The following MACROD1 variants were observed in gnomAD, a reference collection of about 807,000 sequenced individuals.
MACROD1 encodes ADP-ribose glycohydrolase MACROD1.
A neutral mutation model predicts 41.4 loss-of-function variants in MACROD1; 31 were observed. The ratio of observed to expected loss-of-function variants is 0.75; its 90% confidence interval spans 0.56 to 1.01. The LOEUF (loss-of-function observed/expected upper bound fraction) is 1.01. Ranked by LOEUF, MACROD1 falls within the 50% of genes least tolerant of loss-of-function variation. The pLI, the probability that MACROD1 is intolerant of heterozygous loss-of-function variation, is 0.00. For synonymous variants in MACROD1, 252 were observed against 203.4 expected, an observed-to-expected ratio of 1.24 and a Z score of -2.03; for missense variants, 473 against 460.0, an observed-to-expected ratio of 1.03 and a Z score of -0.26.
chr11:64,109,997 T>C (rs1250804917), intron 3 of MACROD1, among the ~76,000 whole-genome samples: 1 of 152,044 alleles, frequency 6.6e-6, no homozygotes, highest in African/African-American at 2.4e-5. Context: ...TTAAACTGGA[T>C]GCGTCGGGGG....
chr11:64,086,281 G>A (rs1944393510), intron 3 of MACROD1, among the ~76,000 whole-genome samples: 1 of 152,042 alleles, frequency 6.6e-6, no homozygotes, highest in South Asian at 2.1e-4. Flanking sequence ...GTTGAATTGT[G>A]GTTTTAGGAG....
chr11:64,166,079 C>T lies in MACROD1; in HGVS notation c.-85G>A. On this transcript the variant is annotated 5_prime_UTR_variant, in exon 1 of 11. Coordinates refer to ENST00000255681, the MANE Select transcript of MACROD1 (RefSeq NM_014067.4). The stretch of plus-strand genomic sequence containing the variant: ...TGTCTCTCCCTTATTTACTCTGGGA[C>T]CGGGTGGCGACTGCCAGCCAGCGGC... 8.2e-7 allele frequency: 1 copy of T among 1,223,262 alleles called. No individual in the cohort carries two copies. Among genetic ancestry groups the T allele is most frequent in the Non-Finnish European group, 1.0e-6 (1 of 980,992 alleles). The allele number at this position is 1,223,262 out of a possible 1,614,324, so 75.8% of individuals were successfully genotyped here.
Position 64,105,193 on chromosome 11 carries a change from C to T in MACROD1, c.517+46046G>A, listed in dbSNP as rs530659844. ...GTGCGCCAGCCCGACAGCGGGGCCGCGAGCGTGCCTGAGCCGGAGCTGGGC... is the reference window on the plus strand; with the variant it reads ...GTGCGCCAGCCCGACAGCGGGGCCGTGAGCGTGCCTGAGCCGGAGCTGGGC... On this transcript the variant is annotated intron_variant, in intron 3 of 10. Transcript: ENST00000255681. Among the ~76,000 whole-genome samples, 67 of 152,348 alleles carry T rather than the reference C, an allele frequency of 4.4e-4. 1 individual carries two copies. Among genetic ancestry groups the T allele is most frequent in the African/African-American group, 1.6e-3 (65 of 41,576 alleles).
chr11:64,116,903 C>T, intron 3 of MACROD1: 2 of 1,611,496 alleles, frequency 1.2e-6, no homozygotes, highest in Non-Finnish European at 1.7e-6. Flanking sequence ...GCATCTCCAC[C>T]ATCCCGCTGC....
chr11:64,136,979 C>A (rs1474911591), intron 3 of MACROD1, among the ~76,000 whole-genome samples: 1 of 152,348 alleles, frequency 6.6e-6, no homozygotes, highest in East Asian at 1.9e-4. Context: ...AGAGCTCTCT[C>A]TGGTGCTGAA....
At chr11:64,022,554 G>A (rs1312605246) in intron 3 of MACROD1, among the ~76,000 whole-genome samples, 1 of 152,160 alleles carries the variant, frequency 6.6e-6, no homozygotes, top group East Asian at 1.9e-4. Context: ...TGTGACTTGA[G>A]GGCGAGTCGT....
intron 3 of MACROD1, among the ~76,000 whole-genome samples, chr11:64,086,345 T>C (rs1798368496): frequency 6.6e-6 from 1 of 151,964 alleles, no homozygotes; most frequent in Non-Finnish European, 1.5e-5. Flanking sequence ...TTCTAAGACC[T>C]GTGAATCTTA....
chr11:64,117,159 C>A (rs763041801), intron 3 of MACROD1: 1 of 1,613,746 alleles, frequency 6.2e-7, no homozygotes. Context: ...TGAGCTGGAG[C>A]GGCTGGACCT....
At chr11:64,091,360 A>G (rs1565228278) in intron 3 of MACROD1, among the ~76,000 whole-genome samples, 1 of 151,554 alleles carries the variant, frequency 6.6e-6, no homozygotes, top group Non-Finnish European at 1.5e-5. Flanking sequence ...TTACAATCTC[A>G]TTCATTCCTC....
At chr11:64,015,466 T>C (rs565296737) in intron 3 of MACROD1, among the ~76,000 whole-genome samples, 185 bp from the exon 4 acceptor site, 2 of 152,160 alleles carry the variant, frequency 1.3e-5, no homozygotes, top group Non-Finnish European at 2.9e-5. Flanking sequence ...AGGTTCTTCA[T>C]GGTCCTGGGG....
rs74466089 is a variant in MACROD1 at position 64,138,440 on chromosome 11, T to C, written c.517+12799A>G. ...CCTCACAAATGTCAATTCTGGGCCA[T>C]TTGCTTCGTAGATTTTAATGTTCCT... is the stretch of plus-strand genomic sequence containing the variant. On this transcript the variant is annotated intron_variant, in intron 3 of 10. Transcript: ENST00000255681. The C allele has an allele frequency of 8.1e-3, 7,223 of 892,958 alleles. 45 individuals carry two copies. Among genetic ancestry groups the C allele is most frequent in the Non-Finnish European group, 9.1e-3 (6,787 of 745,590 alleles). The allele number at this position is 892,958 out of a possible 1,614,324, so 55.3% of individuals were successfully genotyped here. A position where few individuals can be genotyped will look rare whatever the true frequency, so the allele number is the denominator to read the frequency against.
rs1391510313 is a variant in MACROD1 at position 64,036,704 on chromosome 11, C to T, written c.518-21423G>A. Among the ~76,000 whole-genome samples, 2 of 152,188 alleles carry T rather than the reference C, an allele frequency of 1.3e-5. No homozygotes were observed. The highest frequency in any genetic ancestry group is 2.9e-5 in the Non-Finnish European group (2 of 68,028). The stretch of plus-strand genomic sequence containing the variant: ...GGCATGAGCAGCCTCCAACTTCCCT[C>T]CCTGTGCGCGCTGTGGACCGTCAGC... On this transcript the variant is annotated intron_variant, in intron 3 of 10. Coordinates refer to ENST00000255681, the MANE Select transcript of MACROD1 (RefSeq NM_014067.4). The surrounding 1 kb of genome is among the most constrained non-coding windows in gnomAD (Gnocchi z 5.6).
At chr11:64,144,837 C>T (rs999685195) in intron 3 of MACROD1, among the ~76,000 whole-genome samples, 7 of 152,390 alleles carry the variant, frequency 4.6e-5, no homozygotes, top group African/African-American at 1.7e-4. Context: ...ACAGATAAAG[C>T]GATTTACGGC....
At chr11:64,071,605 A>G (rs1169554834) in intron 3 of MACROD1, among the ~76,000 whole-genome samples, 1 of 152,090 alleles carries the variant, frequency 6.6e-6, no homozygotes, top group African/African-American at 2.4e-5. Flanking sequence ...CGCTCTTCCC[A>G]CTACAGGTTC....
At chr11:64,041,888 C>T (rs1021619439) in intron 3 of MACROD1, among the ~76,000 whole-genome samples, 5 of 152,230 alleles carry the variant, frequency 3.3e-5, no homozygotes, top group South Asian at 2.1e-4. Flanking sequence ...GAGGGTGCCC[C>T]GCCCAGTTAA....
intron 3 of MACROD1, among the ~76,000 whole-genome samples, chr11:64,123,910 G>A (rs985845429): frequency 5.9e-5 from 9 of 152,198 alleles, no homozygotes; most frequent in Admixed American, 5.2e-4. Flanking sequence ...AGATGGGGAC[G>A]TGGCAGATAT....
intron 3 of MACROD1, among the ~76,000 whole-genome samples, chr11:64,088,863 C>G (rs891361958): frequency 6.6e-6 from 1 of 152,064 alleles, no homozygotes; most frequent in Non-Finnish European, 1.5e-5. Flanking sequence ...TAGGCAGGAT[C>G]GCAGGCGGAA....
chr11:64,005,116 G>A (rs1009039111), intron 4 of MACROD1, among the ~76,000 whole-genome samples: 6 of 151,950 alleles, frequency 3.9e-5, no homozygotes, highest in African/African-American at 7.3e-5. Context: ...TGCAACCTCC[G>A]CCTCCCGGGT....
chr11:64,043,127 A>G (rs1485577587), intron 3 of MACROD1, among the ~76,000 whole-genome samples: 1 of 152,220 alleles, frequency 6.6e-6, no homozygotes, highest in Admixed American at 6.5e-5. Flanking sequence ...CACACCTGTG[A>G]AACAGGATGA....
Sources: allele counts gnomAD v4.1 joint callset (sites outside exome capture counted in the v4.1 genomes callset), GRCh38; gene constraint gnomAD v4.1.1; non-coding constraint Gnocchi (gnomAD v3.1); transcripts MANE v1.5; gene names NCBI Gene and HGNC (gene_info 2026-07-23, HGNC 2026-07-21).